Variants in PCBP2 observed in about 807,000 individuals in gnomAD.
PCBP2 encodes the protein poly(rC)-binding protein 2.
PCBP2 carries 4 observed loss-of-function variants against 50.1 expected under a neutral mutation model. That is an observed-to-expected ratio of 0.08 (90% CI 0.04 to 0.18). The LOEUF is 0.18. Ranked by LOEUF, PCBP2 falls within the 10% of genes least tolerant of loss-of-function variation. The probability of loss-of-function intolerance (pLI) is 1.00; values close to 1 mark genes in which losing one functional copy is unlikely to be tolerated. For synonymous variants in PCBP2, 179 were observed against 168.0 expected, an observed-to-expected ratio of 1.07 and a Z score of -0.51; for missense variants, 161 against 474.3, an observed-to-expected ratio of 0.34 and a Z score of 6.14.
chr12:53,474,646 A>G (rs532183549), intron 14 of PCBP2, among the ~76,000 whole-genome samples: 51 of 152,312 alleles, frequency 3.3e-4, no homozygotes, highest in Non-Finnish European at 3.7e-4. Context: ...TTTCTTCACC[A>G]TAGCAGTTTT....
At chr12:53,477,291 C>G (rs1942653563) in intron 14 of PCBP2, among the ~76,000 whole-genome samples, 1 of 152,094 alleles carries the variant, frequency 6.6e-6, no homozygotes, top group Non-Finnish European at 1.5e-5. Context: ...CTTACTGAAC[C>G]CTTTAATCCA....
At chr12:53,460,896 A>G in intron 6 of PCBP2, 119 bp from the exon 7 acceptor site, 3 of 1,109,324 alleles carry the variant, frequency 2.7e-6, no homozygotes, top group Non-Finnish European at 2.6e-6. Context: ...AAGAACAAAA[A>G]GGGAAGATTG....
At chr12:53,466,088 AAGTT>A (rs1941799904) in intron 10 of PCBP2, 115 bp downstream of exon 10, 1 of 860,942 alleles carries the variant, frequency 1.2e-6, no homozygotes, top group Middle Eastern at 2.2e-4. Flanking sequence ...TTGCAGTATT[AAGTT>A]GTTTTCTTCA....
At chr12:53,471,059 C>G (rs909243512) in intron 13 of PCBP2, among the ~76,000 whole-genome samples, 8 of 152,064 alleles carry the variant, frequency 5.3e-5, no homozygotes, top group East Asian at 1.9e-4. Context: ...TCAGAACTGG[C>G]TGTCACTCAC....
chr12:53,467,370 C>G (rs1941895306), intron 11 of PCBP2, 77 bp downstream of exon 11: 1 of 1,197,468 alleles, frequency 8.4e-7, no homozygotes, highest in Non-Finnish European at 1.3e-6. Context: ...AGCTTGACAT[C>G]TGTTTAAAAC....
intron 12 of PCBP2, 73 bp downstream of exon 12, chr12:53,467,916 C>T: frequency 8.7e-7 from 1 of 1,146,220 alleles, no homozygotes; most frequent in Non-Finnish European, 1.3e-6. Context: ...TCTTGTTTCA[C>T]TGCCCATGAA....
chr12:53,453,511 T>A (rs1483364483), intron 1 of PCBP2, among the ~76,000 whole-genome samples: 1 of 152,200 alleles, frequency 6.6e-6, no homozygotes, highest in Non-Finnish European at 1.5e-5. Flanking sequence ...AGAGGACAGT[T>A]TGCCATATAC....
intron 13 of PCBP2, 74 bp downstream of exon 13, chr12:53,468,906 G>A: frequency 1.0e-6 from 1 of 965,386 alleles, no homozygotes; most frequent in Non-Finnish European, 1.6e-6. Context: ...TTTCAGCAGT[G>A]TCCTGCTACC....
Position 53,468,917 on chromosome 12 carries a change from C to CTTT in PCBP2, c.882+102_882+104dup, listed in dbSNP as rs5798266. ...GTCGTTTCAGCAGTGTCCTGCTACC[C>CTTT]TTTTTTTTTTTTTTTTTTTAAACAG... is the stretch of plus-strand genomic sequence containing the variant. On this transcript the variant is annotated intron_variant, in intron 13 of 14. Transcript: ENST00000546463. The CTTT allele has an allele frequency of 4.7e-3, 2,702 of 571,864 alleles. 1 individual carries two copies. Among genetic ancestry groups the CTTT allele is most frequent in the East Asian group, 6.3e-3 (186 of 29,292 alleles). The allele number at this position is 571,864 out of a possible 1,614,324, so 35.4% of individuals were successfully genotyped here. A position where few individuals can be genotyped will look rare whatever the true frequency, so the allele number is the denominator to read the frequency against.
chr12:53,460,717 C>G (rs1308210310), intron 6 of PCBP2: 1 of 277,000 alleles, frequency 3.6e-6, no homozygotes, highest in African/African-American at 2.2e-5. Flanking sequence ...TTTTGCTTCG[C>G]CCAGAGAACT....
chr12:53,456,078 A>T lies in PCBP2; in HGVS notation c.243+77A>T, dbSNP rs1445201914. ...CTTGTTGATTTTCTAAGAGCTTTTT[A>T]AATTCAAGGACACACTGGACCTTGA... On this transcript the variant is annotated intron_variant, in intron 5 of 14. Coordinates refer to ENST00000546463, the MANE Select transcript of PCBP2 (RefSeq NM_031989.5). 1.1e-5 allele frequency: 10 copies of T among 901,914 alleles called. No individual in the cohort carries two copies. The East Asian group carries it at 2.4e-4, about 22-fold the overall frequency. The allele number at this position is 901,914 out of a possible 1,614,324, so 55.9% of individuals were successfully genotyped here.
intron 1 of PCBP2, among the ~76,000 whole-genome samples, chr12:53,452,591 C>CCAAT: frequency 6.6e-6 from 1 of 151,642 alleles, no homozygotes; most frequent in Non-Finnish European, 1.5e-5. Flanking sequence ...CCCCCTCCCC[C>CCAAT]CGCCTTTTCC....
chr12:53,462,808 T>A (rs1565863223), intron 8 of PCBP2, among the ~76,000 whole-genome samples: 1 of 152,170 alleles, frequency 6.6e-6, no homozygotes, highest in East Asian at 1.9e-4. Context: ...GGTTAGAATA[T>A]AAGAGTTGAA....
intron 7 of PCBP2, among the ~76,000 whole-genome samples, chr12:53,461,447 G>C (rs1941437822): frequency 6.6e-6 from 1 of 152,168 alleles, no homozygotes; most frequent in Non-Finnish European, 1.5e-5. Context: ...TTCCTGAGTA[G>C]CTGAGTTAAA....
At chr12:53,459,590 TTAA>T (rs1353652605) in intron 6 of PCBP2, among the ~76,000 whole-genome samples, 187 bp downstream of exon 6, 1 of 152,194 alleles carries the variant, frequency 6.6e-6, no homozygotes, top group Non-Finnish European at 1.5e-5. Flanking sequence ...TTCATAAATT[TTAA>T]TAAATCAGAA....
rs1941701112 is a variant in PCBP2 at position 53,464,761 on chromosome 12, A to G, written c.581A>G (p.Asp194Gly). ...SSPVIFAGGQ[D>G]RYSTGSDSAS... Reference sequence around the variant, plus strand: ...CTGAAATCCTCTATTTATCCACAGGACAGGTACAGCACAGGCAGCGACAGT... The same window carrying G: ...CTGAAATCCTCTATTTATCCACAGGGCAGGTACAGCACAGGCAGCGACAGT... Residue 194 changes from aspartate (D) to glycine (G), a missense_variant and splice_region_variant, in exon 9 of 15, where the codon GAC (aspartate) becomes GGC (glycine). Asp to Gly is a moderately conservative substitution (Grantham distance 94). Transcript: ENST00000546463. The G allele has an allele frequency of 6.2e-7, 1 of 1,612,480 alleles. No homozygotes were observed. The highest frequency in any genetic ancestry group is 1.1e-5 in the South Asian group (1 of 90,798).
chr12:53,464,799 C>A lies in PCBP2; in HGVS notation c.619C>A (p.His207Asn), dbSNP rs1295520314. The A allele has an allele frequency of 2.5e-6, 4 of 1,611,934 alleles. No individual in the cohort carries two copies. Among genetic ancestry groups the A allele is most frequent in the Non-Finnish European group, 3.4e-6 (4 of 1,179,132 alleles). The stretch of plus-strand genomic sequence containing the variant: ...AGGCAGCGACAGTGCGAGCTTTCCC[C>A]ACACCACCCCGTCCATGTGCCTCAA... ...STGSDSASFP[H>N]TTPSMCLNPD... The change falls in exon 9 of 15, where the codon CAC becomes AAC. Residue 207 changes from histidine to asparagine, a missense_variant. Coordinates refer to ENST00000546463, the MANE Select transcript of PCBP2 (RefSeq NM_031989.5).
intron 14 of PCBP2, among the ~76,000 whole-genome samples, chr12:53,472,513 C>CT (rs1232428902): frequency 6.6e-6 from 1 of 152,218 alleles, no homozygotes; most frequent in Non-Finnish European, 1.5e-5. Flanking sequence ...ATATTACTTG[C>CT]TTTCTCAACT....
At chr12:53,473,092 T>C (rs1280450414) in intron 14 of PCBP2, among the ~76,000 whole-genome samples, 1 of 150,952 alleles carries the variant, frequency 6.6e-6, no homozygotes, top group East Asian at 1.9e-4. Flanking sequence ...TTCTTTCTTT[T>C]TTTTTTTTTT....
Sources: allele counts gnomAD v4.1 joint callset (sites outside exome capture counted in the v4.1 genomes callset), GRCh38; gene constraint gnomAD v4.1.1; transcripts MANE v1.5; gene names NCBI Gene and HGNC (gene_info 2026-07-23, HGNC 2026-07-21).